The following SETD7 variants were observed in gnomAD, a reference collection of about 807,000 sequenced individuals.
SETD7 encodes the protein histone-lysine N-methyltransferase SETD7.
SETD7 carries 16 observed loss-of-function variants against 41.8 expected under a neutral mutation model. That is an observed-to-expected ratio of 0.38 (90% CI 0.26 to 0.58). SETD7 has a LOEUF of 0.58. SETD7 is among the 20% of genes least tolerant of loss of function. SETD7 has a pLI of 0.64. For missense variants in SETD7, 346 were observed against 459.7 expected, an observed-to-expected ratio of 0.75 and a Z score of 2.26; for synonymous variants, 163 against 169.7, an observed-to-expected ratio of 0.96 and a Z score of 0.31.
rs2111113687 is a variant in SETD7, at chr4:139,506,151, T to C, written c.*5512A>G. The C allele has an allele frequency of 6.5e-6, 1 of 152,788 alleles. No individual in the cohort carries two copies. The highest frequency in any genetic ancestry group is 2.4e-5 in the African/African-American group (1 of 41,588). 9.5% of individuals were successfully genotyped at this position (152,788 alleles called of 1,614,324 possible). On this transcript the variant is annotated 3_prime_UTR_variant, in exon 8 of 8. Transcript: ENST00000274031. ...AGTTTTGTTTCAGAAACATTTTTCCTACTCTCTTGCATCATGCACCCAGAC... is the reference window on the plus strand; with the variant it reads ...AGTTTTGTTTCAGAAACATTTTTCCCACTCTCTTGCATCATGCACCCAGAC...
chr4:139,537,241 C>T (rs1560688279), intron 2 of SETD7, among the ~76,000 whole-genome samples: 1 of 152,190 alleles, frequency 6.6e-6, no homozygotes, highest in Non-Finnish European at 1.5e-5. Context: ...TCCCAAAGTG[C>T]TGGGATTACA....
chr4:139,531,720 G>C (rs1033475152), intron 3 of SETD7, among the ~76,000 whole-genome samples: 6 of 151,986 alleles, frequency 3.9e-5, no homozygotes, highest in African/African-American at 1.5e-4. Context: ...GATTTAGCTG[G>C]GGTTACTTTT....
At chr4:139,554,583 T>C (rs778016212) in intron 1 of SETD7, among the ~76,000 whole-genome samples, 1 of 152,234 alleles carries the variant, frequency 6.6e-6, no homozygotes, top group Non-Finnish European at 1.5e-5. Context: ...TCAATCAATG[T>C]ATCTGGGCCT....
rs1009980290 is a variant in SETD7 at position 139,511,006 on chromosome 4, A to G, written c.*657T>C. ...GGACATAATAATAAAATGATGATAT[A>G]GAAAGAACCAGAGAGACCTACACAC... is the stretch of plus-strand genomic sequence containing the variant. On this transcript the variant is annotated 3_prime_UTR_variant, in exon 8 of 8. Transcript: ENST00000274031. The G allele has an allele frequency of 5.3e-5, 8 of 150,428 alleles. No homozygotes were observed. Among genetic ancestry groups the G allele is most frequent in the Non-Finnish European group, 1.0e-4 (7 of 67,316 alleles). The allele number at this position is 150,428 out of a possible 1,614,324, so 9.3% of individuals were successfully genotyped here.
Position 139,555,935 on chromosome 4 carries a change from T to G in SETD7, c.40+163A>C, listed in dbSNP as rs1299944415. On this transcript the variant is annotated intron_variant, in intron 1 of 7. Transcript: ENST00000274031. The surrounding 1 kb of genome is among the most constrained non-coding windows in gnomAD (Gnocchi z 4.0). ...CGCGCAGTGCGCGCTCCCGGCGGCG[T>G]GACCGTGGCTGTCGGGCCCCCGCCC... 6.6e-6 allele frequency among the ~76,000 whole-genome samples: 1 copy of G among 151,656 alleles called. No homozygotes were observed. The highest frequency in any genetic ancestry group is 1.5e-5 in the Non-Finnish European group (1 of 67,872).
chr4:139,537,123 G>A (rs1056936402), intron 2 of SETD7, among the ~76,000 whole-genome samples: 4 of 152,212 alleles, frequency 2.6e-5, no homozygotes, highest in Non-Finnish European at 5.9e-5. Flanking sequence ...TTACAGGCAC[G>A]CGCCAACACG....
At position 139,507,933 on chromosome 4, in the gene SETD7, C is replaced by T. The variant is rs1318068329; in HGVS notation, c.*3730G>A. ...AAGATATCTGGATTCTAAGTCACTA[C>T]TCTTAAGACAGAAGCTTGAGGCAAC... On this transcript the variant is annotated 3_prime_UTR_variant, in exon 8 of 8. Transcript: ENST00000274031. 2.0e-5 allele frequency: 3 copies of T among 152,296 alleles called. No homozygotes were observed. The highest frequency in any genetic ancestry group is 7.2e-5 in the African/African-American group (3 of 41,570). 9.4% of individuals were successfully genotyped at this position (152,296 alleles called of 1,614,324 possible).
At chr4:139,532,955 GA>G in intron 3 of SETD7, 3 of 588,248 alleles carry the variant, frequency 5.1e-6, no homozygotes, top group Middle Eastern at 4.4e-4. Flanking sequence ...AAACAACGCT[GA>G]AAAATAATTA....
rs1728250327 is a variant in SETD7 at position 139,555,769 on chromosome 4, C to T, written c.40+329G>A. Among the ~76,000 whole-genome samples the T allele has an allele frequency of 6.6e-6, 1 of 152,138 alleles. No homozygotes were observed. Among genetic ancestry groups the T allele is most frequent in the African/African-American group, 2.4e-5 (1 of 41,450 alleles). On this transcript the variant is annotated intron_variant, in intron 1 of 7. Transcript: ENST00000274031. This position sits in a 1 kb window ranked among gnomAD's most constrained non-coding sequence, Gnocchi z 4.0. ...CTGCGGAGTGCACCCACCCTCCGCG[C>T]CCAAAGGCGGAAAGGCCAGAGCGCG...
Position 139,511,721 on chromosome 4 carries a change from T to C in SETD7, c.1043A>G (p.Glu348Gly). 1 of 1,614,114 alleles carries C rather than the reference T, an allele frequency of 6.2e-7. No individual in the cohort carries two copies. Among genetic ancestry groups the C allele is most frequent in the Non-Finnish European group, 8.5e-7 (1 of 1,180,012 alleles). The change falls in exon 8 of 8, where the codon GAA (glutamate) becomes GGA (glycine). Residue 348 changes from glutamate (E) to glycine (G), a missense_variant. Around this residue, in one of 3 missense-constraint regions of SETD7, gnomAD observed 75 missense variants for 65.5 expected, o/e 1.14. Coordinates refer to ENST00000274031, the MANE Select transcript of SETD7 (RefSeq NM_030648.4). ...CTCCACCTGGTACCACTCAGGGGCT[T>C]CAGGCCCACTCTTCCCGGGGGGGCT... is the stretch of plus-strand genomic sequence containing the variant. ...DHSPPGKSGP[E>G]APEWYQVELK...
chr4:139,517,814 T>C (rs2111130717), intron 7 of SETD7, 71 bp downstream of exon 7: 2 of 1,488,428 alleles, frequency 1.3e-6, no homozygotes, highest in Non-Finnish European at 1.8e-6. Context: ...AGAATAACAC[T>C]TTTTACTGCC....
chr4:139,537,808 T>A (rs1727679724), intron 2 of SETD7, among the ~76,000 whole-genome samples: 1 of 152,224 alleles, frequency 6.6e-6, no homozygotes, highest in African/African-American at 2.4e-5. Flanking sequence ...ATGAATTCGA[T>A]ATGCATACAG....
intron 2 of SETD7, among the ~76,000 whole-genome samples, chr4:139,536,971 CT>C (rs1468295225): frequency 5.3e-5 from 8 of 151,962 alleles, no homozygotes; most frequent in African/African-American, 1.9e-4. Context: ...CCACTGCAAT[CT>C]TTTTTATTTT....
intron 2 of SETD7, among the ~76,000 whole-genome samples, chr4:139,535,870 T>A (rs1727623958): frequency 1.3e-5 from 2 of 152,130 alleles, no homozygotes; most frequent in Non-Finnish European, 2.9e-5. Flanking sequence ...TTCTCCAGGG[T>A]GATAAAAGTG....
At chr4:139,504,836 T>C (rs1726663223), downstream of SETD7, among the ~76,000 whole-genome samples, 1 of 152,224 alleles carries the variant, frequency 6.6e-6, no homozygotes. Context: ...CCATGAAAGT[T>C]GCCCAATCTT....
chr4:139,517,772 G>A, intron 7 of SETD7, 113 bp downstream of exon 7: 1 of 1,143,964 alleles, frequency 8.7e-7, no homozygotes, highest in Non-Finnish European at 1.2e-6. Context: ...AGGACCCATG[G>A]TCATTCAGAT....
chr4:139,551,339 A>G (rs1463676288), intron 1 of SETD7, among the ~76,000 whole-genome samples: 1 of 152,244 alleles, frequency 6.6e-6, no homozygotes, highest in Non-Finnish European at 1.5e-5. Flanking sequence ...AGGTTGCCGG[A>G]GCTAATGTTC....
intron 4 of SETD7, among the ~76,000 whole-genome samples, chr4:139,528,693 C>T (rs1383846287): frequency 6.6e-6 from 1 of 152,150 alleles, no homozygotes; most frequent in Non-Finnish European, 1.5e-5. Flanking sequence ...TTCTGTGATC[C>T]ACTGTGGGAA....
At chr4:139,524,465 G>T (rs1453063672) in intron 4 of SETD7, among the ~76,000 whole-genome samples, 1 of 152,246 alleles carries the variant, frequency 6.6e-6, no homozygotes, top group Non-Finnish European at 1.5e-5. Flanking sequence ...GGGACAGAGG[G>T]CACAGTGCTG....
Sources: gnomAD v4.1 joint callset for allele counts (sites outside exome capture counted in the v4.1 genomes callset) on GRCh38, gnomAD v4.1.1 for gene constraint, gnomAD v4.1.1 regional missense constraint, Gnocchi (gnomAD v3.1) non-coding constraint, MANE v1.5 for transcripts, NCBI Gene and HGNC (gene_info 2026-07-23, HGNC 2026-07-21) for gene names.